The following PPP1R13B variants were observed in gnomAD, a reference collection of about 807,000 sequenced individuals.
PPP1R13B encodes the protein apoptosis-stimulating of p53 protein 1.
In PPP1R13B, 44 loss-of-function variants were observed where a neutral mutation model predicts 119.8. That is an observed-to-expected ratio of 0.37 (90% CI 0.29 to 0.47). The LOEUF (loss-of-function observed/expected upper bound fraction) is 0.47. PPP1R13B is among the 20% of genes least tolerant of loss of function. PPP1R13B has a pLI of 0.99. For synonymous variants in PPP1R13B, 542 were observed against 561.5 expected, an observed-to-expected ratio of 0.97 and a Z score of 0.49; for missense variants, 1,227 against 1,413.5, an observed-to-expected ratio of 0.87 and a Z score of 2.12.
intron 4 of PPP1R13B, among the ~76,000 whole-genome samples, chr14:103,773,990 T>C (rs2085125777): frequency 6.6e-6 from 1 of 152,194 alleles, no homozygotes; most frequent in African/African-American, 2.4e-5. Flanking sequence ...GAAATAAACA[T>C]CACATTTATG....
At chr14:103,837,413 C>A (rs2086802850) in intron 1 of PPP1R13B, among the ~76,000 whole-genome samples, 1 of 152,168 alleles carries the variant, frequency 6.6e-6, no homozygotes, top group Non-Finnish European at 1.5e-5. Context: ...TTTAAACTTA[C>A]TCCTTTCTCA....
intron 8 of PPP1R13B, chr14:103,747,538 T>C (rs1275485450): frequency 2.0e-5 from 3 of 151,992 alleles, no homozygotes; most frequent in Admixed American, 1.3e-4. Context: ...TTAATTTCCA[T>C]AGGTTTTTGG....
At chr14:103,812,249 G>A (rs1179457109) in intron 1 of PPP1R13B, among the ~76,000 whole-genome samples, 5 of 145,084 alleles carry the variant, frequency 3.4e-5, no homozygotes, top group Middle Eastern at 3.3e-3. Flanking sequence ...TCAGCCTCCC[G>A]AGTAGCTGGG....
chr14:103,739,799 G>C (rs962116732), intron 12 of PPP1R13B, 25 bp downstream of exon 12: 21 of 1,570,862 alleles, frequency 1.3e-5, no homozygotes, highest in Non-Finnish European at 1.7e-5. Flanking sequence ...GGAAGGCCAG[G>C]CTTTGGTCTA....
At chr14:103,772,135 T>G (rs1328932408) in intron 4 of PPP1R13B, among the ~76,000 whole-genome samples, 1 of 152,124 alleles carries the variant, frequency 6.6e-6, no homozygotes, top group Non-Finnish European at 1.5e-5. Context: ...GCACAATGAT[T>G]TTGAGATTCA....
rs1345881303 is a variant in PPP1R13B at position 103,740,624 on chromosome 14, G to T, written c.1823-31C>A. The T allele has an allele frequency of 6.7e-7, 1 of 1,483,362 alleles. No individual in the cohort carries two copies. The highest frequency in any genetic ancestry group is 2.3e-5 in the East Asian group (1 of 43,602). 91.9% of individuals were successfully genotyped at this position (1,483,362 alleles called of 1,614,324 possible). On this transcript the variant is annotated intron_variant, in intron 11 of 16. Transcript: ENST00000202556. The surrounding 1 kb of genome is among the most constrained non-coding windows in gnomAD (Gnocchi z 4.6). ...GAAGACACAAAGGACAGGCAATTTT[G>T]ACCTCACTACAGAGATCTAGTCATA...
chr14:103,817,045 G>A (rs1010683377), intron 1 of PPP1R13B, among the ~76,000 whole-genome samples: 3 of 152,178 alleles, frequency 2.0e-5, no homozygotes, highest in African/African-American at 7.2e-5. Context: ...CAGAGTTACT[G>A]TTCTTAAAAT....
chr14:103,782,206 G>T (rs1388266828), intron 3 of PPP1R13B, among the ~76,000 whole-genome samples: 3 of 152,062 alleles, frequency 2.0e-5, no homozygotes, highest in Admixed American at 1.3e-4. Context: ...AGATAGATAT[G>T]CACATTACTC....
chr14:103,798,238 G>A (rs753760252), intron 1 of PPP1R13B, among the ~76,000 whole-genome samples: 16 of 144,908 alleles, frequency 1.1e-4, no homozygotes, highest in Non-Finnish European at 2.1e-4. Flanking sequence ...TGCAAGCTCT[G>A]CCTCCCGGGT....
intron 2 of PPP1R13B, among the ~76,000 whole-genome samples, chr14:103,796,963 C>CAA (rs1165157347): frequency 7.2e-6 from 1 of 138,994 alleles, no homozygotes; most frequent in African/African-American, 2.7e-5. Context: ...TGTCAGAAAA[C>CAA]AAAAAACAAA....
chr14:103,778,252 G>A (rs2085255657), intron 4 of PPP1R13B, among the ~76,000 whole-genome samples: 1 of 140,230 alleles, frequency 7.1e-6, no homozygotes, highest in Non-Finnish European at 1.5e-5. Flanking sequence ...ACCACGCCTG[G>A]CCACATCTGA....
intron 4 of PPP1R13B, among the ~76,000 whole-genome samples, chr14:103,771,174 G>A (rs544419548): frequency 3.9e-5 from 6 of 152,256 alleles, no homozygotes; most frequent in African/African-American, 7.2e-5. Context: ...TCATGAAAGC[G>A]TCATGATCCA....
chr14:103,736,047 G>C lies in PPP1R13B; in HGVS notation c.3187C>G (p.Arg1063Gly). The change falls in exon 16 of 17, where the codon CGC becomes GGC. Residue 1063 changes from arginine to glycine, a missense_variant. Coordinates refer to ENST00000202556, the MANE Select transcript of PPP1R13B (RefSeq NM_015316.3). Reference sequence around the variant, plus strand: ...ACATAGCCCTCCCGGTCTCCAAGGCGAGCCCACCACCACTCAGTCTCGCTT... The same window carrying C: ...ACATAGCCCTCCCGGTCTCCAAGGCCAGCCCACCACCACTCAGTCTCGCTT... ...DESETEWWWA[R>G]LGDREGYVPK... The C allele has an allele frequency of 6.2e-7, 1 of 1,614,164 alleles. No individual in the cohort carries two copies. The highest frequency in any genetic ancestry group is 8.5e-7 in the Non-Finnish European group (1 of 1,180,024).
Position 103,735,184 on chromosome 14 carries a change from C to T in PPP1R13B, c.3243G>A (p.Arg1081=). The change falls in exon 17 of 17, where the codon CGG becomes CGA. Residue 1081 remains arginine (R), a synonymous_variant. Transcript: ENST00000202556. ...CGAGTGTTCGCTGTCGGGGTTTGAT[C>T]CGTGGATACAGCTGGGAAGCAACGG... ...VPKNLLGLYP[R]IKPRQRTLA is the part of the protein sequence containing the mutation. 6.2e-7 allele frequency: 1 copy of T among 1,614,118 alleles called. No homozygotes were observed. Among genetic ancestry groups the T allele is most frequent in the Non-Finnish European group, 8.5e-7 (1 of 1,180,004 alleles).
intron 1 of PPP1R13B, among the ~76,000 whole-genome samples, chr14:103,797,755 T>C (rs565201764): frequency 1.6e-4 from 24 of 151,948 alleles, no homozygotes; most frequent in African/African-American, 5.6e-4. Context: ...TCTTATAAAG[T>C]GCTCAAAACA....
rs369276278 is a variant in PPP1R13B, at chr14:103,738,872, C to T, written c.2730+14G>A. 16 of 1,612,750 alleles carry T rather than the reference C, an allele frequency of 9.9e-6. No homozygotes were observed. Among genetic ancestry groups the T allele is most frequent in the East Asian group, 4.5e-5 (2 of 44,844 alleles). ...GCCCCCAGCAGCGTGCACTGGTCCC[C>T]GGCTGCAGCTCACCTCATAGATGAT... On this transcript the variant is annotated intron_variant, in intron 13 of 16. Transcript: ENST00000202556. This position sits in a 1 kb window ranked among gnomAD's most constrained non-coding sequence, Gnocchi z 5.6.
At chr14:103,751,664 G>A (rs769006116) in intron 7 of PPP1R13B, among the ~76,000 whole-genome samples, 3 of 152,066 alleles carry the variant, frequency 2.0e-5, no homozygotes, top group African/African-American at 2.4e-5. Flanking sequence ...TGAAGTTCAC[G>A]GAGAGAGACT....
Position 103,847,355 on chromosome 14 carries a change from C to A in PPP1R13B, c.-48G>T, listed in dbSNP as rs1402776588. 3 of 1,193,274 alleles carry A rather than the reference C, an allele frequency of 2.5e-6. No individual in the cohort carries two copies. Among genetic ancestry groups the A allele is most frequent in the Middle Eastern group, 3.5e-4 (1 of 2,830 alleles). The allele number at this position is 1,193,274 out of a possible 1,614,324, so 73.9% of individuals were successfully genotyped here. A position where few individuals can be genotyped will look rare whatever the true frequency, so the allele number is the denominator to read the frequency against. On this transcript the variant is annotated 5_prime_UTR_variant, in exon 1 of 17. Transcript: ENST00000202556. Reference sequence around the variant, plus strand: ...CTCGGCCGCCGCCTGACAGGACGCTCCGCGCCGAGCTGTGCCCACCGCTCC... The same window carrying A: ...CTCGGCCGCCGCCTGACAGGACGCTACGCGCCGAGCTGTGCCCACCGCTCC...
At chr14:103,785,417 C>T (rs966267620) in intron 2 of PPP1R13B, among the ~76,000 whole-genome samples, 4 of 152,060 alleles carry the variant, frequency 2.6e-5, no homozygotes, top group Non-Finnish European at 5.9e-5. Flanking sequence ...AGGGTTTCAC[C>T]ATGTTAGCCA....
Sources: gnomAD v4.1 joint callset for allele counts (sites outside exome capture counted in the v4.1 genomes callset) on GRCh38, gnomAD v4.1.1 for gene constraint, Gnocchi (gnomAD v3.1) non-coding constraint, MANE v1.5 for transcripts, NCBI Gene and HGNC (gene_info 2026-07-23, HGNC 2026-07-21) for gene names.